Variants in MAP3K13 observed in about 807,000 individuals in gnomAD.
MAP3K13 encodes the protein mitogen-activated protein kinase kinase kinase 13.
A neutral mutation model predicts 104.0 loss-of-function variants in MAP3K13; 52 were observed. The observed-to-expected ratio is 0.50, with a 90% confidence interval of 0.40 to 0.63. The LOEUF (loss-of-function observed/expected upper bound fraction) is 0.63. Ranked by LOEUF, MAP3K13 falls within the 20% of genes least tolerant of loss-of-function variation. MAP3K13 has a pLI of 0.00. For missense variants in MAP3K13, 914 were observed against 1,218.5 expected, an observed-to-expected ratio of 0.75 and a Z score of 3.72; for synonymous variants, 394 against 442.2, an observed-to-expected ratio of 0.89 and a Z score of 1.37.
At chr3:185,360,300 C>T (rs764294183), upstream of MAP3K13, among the ~76,000 whole-genome samples, 1 of 152,186 alleles carries the variant, frequency 6.6e-6, no homozygotes, top group Non-Finnish European at 1.5e-5. Context: ...AATCACTTTA[C>T]ATTAAAAATT....
intron 2 of MAP3K13, chr3:185,293,033 G>A: frequency 1.0e-6 from 1 of 985,236 alleles, no homozygotes; most frequent in Non-Finnish European, 1.2e-6. Context: ...GTGTGAACGT[G>A]TGTGTACTTG....
intron 1 of MAP3K13, among the ~76,000 whole-genome samples, chr3:185,391,177 T>G (rs981525317): frequency 6.6e-6 from 1 of 152,186 alleles, no homozygotes; most frequent in Non-Finnish European, 1.5e-5. Flanking sequence ...CACAGAACTC[T>G]TTTCATTTTG....
intron 1 of MAP3K13, among the ~76,000 whole-genome samples, chr3:185,363,855 A>T (rs752219387): frequency 6.6e-6 from 1 of 152,160 alleles, no homozygotes; most frequent in Non-Finnish European, 1.5e-5. Context: ...GTATCTTGCG[A>T]TTGCAATTTG....
In MAP3K13 at chr3:185,355,989, C is replaced by G. The variant is rs1723336247; in HGVS notation, c.-86+70346C>G. On this transcript the variant is annotated intron_variant, in intron 2 of 14. Transcript: ENST00000424227. ...AAGTGAACATTTAAGTAACCTTGCC[C>G]AGGGCTTCAGAATTAATGTATCTTA... 2.0e-5 allele frequency among the ~76,000 whole-genome samples: 3 copies of G among 152,094 alleles called. No homozygotes were observed. In the South Asian group the frequency reaches 6.2e-4, roughly 32 times the overall value.
intron 7 of MAP3K13, among the ~76,000 whole-genome samples, chr3:185,458,106 T>G: frequency 6.6e-6 from 1 of 152,186 alleles, no homozygotes; most frequent in East Asian, 1.9e-4. Context: ...CAGTGGCTCA[T>G]GCCTGTAATC....
chr3:185,356,863 CATGTATGTATGTATGTATGT>C (rs72268579), intron 2 of MAP3K13, among the ~76,000 whole-genome samples: 4 of 149,506 alleles, frequency 2.7e-5, no homozygotes, highest in African/African-American at 9.9e-5. Context: ...AGGCAGACTT[CATGTATGTATGTATGTATGT>C]ATGTATGTAT....
At chr3:185,349,310 C>A (rs528947028) in intron 2 of MAP3K13, among the ~76,000 whole-genome samples, 13 of 152,204 alleles carry the variant, frequency 8.5e-5, no homozygotes, top group Non-Finnish European at 1.6e-4. Flanking sequence ...TTATTTCCAT[C>A]TTTACGTACA....
intron 8 of MAP3K13, among the ~76,000 whole-genome samples, chr3:185,464,291 A>G (rs1717283072): frequency 6.6e-6 from 1 of 152,164 alleles, no homozygotes; most frequent in African/African-American, 2.4e-5. Context: ...CTGTCTCAAA[A>G]AAAGAGAGAG....
Position 185,453,941 on chromosome 3 carries a change from A to ATG in MAP3K13, c.1278+2547_1278+2548dup, listed in dbSNP as rs202229444. ...TGTGATACATATATATGAGATATAT[A>ATG]TGATACATATATATGAGATATATAT... On this transcript the variant is annotated intron_variant, in intron 7 of 13. Transcript: ENST00000265026. Among the ~76,000 whole-genome samples, 63 of 11,186 alleles carry ATG rather than the reference A, an allele frequency of 5.6e-3. 5 individuals are homozygous for ATG. The highest frequency in any genetic ancestry group is 8.1e-3 in the African/African-American group (52 of 6,418). The allele number at this position is 11,186 out of a possible 152,430, so 7.3% of individuals were successfully genotyped here.
At chr3:185,333,574 G>A (rs942209991) in intron 2 of MAP3K13, among the ~76,000 whole-genome samples, 9 of 152,042 alleles carry the variant, frequency 5.9e-5, no homozygotes, top group African/African-American at 2.2e-4. Context: ...AGAAACAACA[G>A]CTAAAATAGG....
rs765413782 is a variant in MAP3K13 at position 185,482,083 on chromosome 3, C to T, written c.2800-272C>T. ...TGGGCGACAGAGTGAGACTCCATCT[C>T]TAAATAAATAAATAAGTAAAGTACT... On this transcript the variant is annotated intron_variant, in intron 13 of 13. Transcript: ENST00000265026. The surrounding 1 kb of genome is among the most constrained non-coding windows in gnomAD (Gnocchi z 4.5). 3.9e-5 allele frequency among the ~76,000 whole-genome samples: 6 copies of T among 152,190 alleles called. No individual in the cohort carries two copies. The highest frequency in any genetic ancestry group is 5.9e-5 in the Non-Finnish European group (4 of 68,044).
chr3:185,283,989 C>G (rs1302836009), intron 1 of MAP3K13, among the ~76,000 whole-genome samples: 1 of 147,778 alleles, frequency 6.8e-6, no homozygotes, highest in Non-Finnish European at 1.5e-5. Flanking sequence ...ACCTCCGACC[C>G]CCTGGTTCAA....
chr3:185,367,958 T>C (rs1274590968), intron 1 of MAP3K13, among the ~76,000 whole-genome samples: 1 of 152,080 alleles, frequency 6.6e-6, no homozygotes, highest in Non-Finnish European at 1.5e-5. Context: ...ATAATCTTCA[T>C]CCATCCTGGG....
chr3:185,410,124 G>A lies in MAP3K13; in HGVS notation c.-85-18373G>A, dbSNP rs1310812093. 2.6e-5 allele frequency among the ~76,000 whole-genome samples: 4 copies of A among 152,268 alleles called. No homozygotes were observed. The East Asian group carries it at 5.8e-4, about 22-fold the overall frequency. ...AGAGCTCAGGCAGTAATACTCGCTC[G>A]CCTGCTGCTCACCTCCTGCTGTGCA... On this transcript the variant is annotated intron_variant, in intron 1 of 13. Coordinates refer to ENST00000265026, the MANE Select transcript of MAP3K13 (RefSeq NM_004721.5).
At chr3:185,455,749 GAT>G (rs1203776075) in intron 7 of MAP3K13, among the ~76,000 whole-genome samples, 322 of 19,478 alleles carry the variant, frequency 0.017, 110 homozygotes, top group South Asian at 0.052. Flanking sequence ...ATATATATAT[GAT>G]ATATATATGA....
At chr3:185,441,277 C>A (rs990326673) in intron 3 of MAP3K13, among the ~76,000 whole-genome samples, 1 of 152,168 alleles carries the variant, frequency 6.6e-6, no homozygotes, top group Non-Finnish European at 1.5e-5. Flanking sequence ...GAGGTTCTTT[C>A]ATGTTAGTCT....
At chr3:185,340,436 C>T (rs1346098462) in intron 2 of MAP3K13, among the ~76,000 whole-genome samples, 2 of 152,100 alleles carry the variant, frequency 1.3e-5, no homozygotes, top group East Asian at 3.9e-4. Flanking sequence ...GAAATGAGGA[C>T]AGAGAAGTTG....
At chr3:185,330,407 G>T (rs146358322) in intron 2 of MAP3K13, among the ~76,000 whole-genome samples, 99 of 152,064 alleles carry the variant, frequency 6.5e-4, no homozygotes, top group African/African-American at 2.2e-3. Flanking sequence ...TCCAGGACGC[G>T]TTGTCCTAAG....
At chr3:185,362,970 CACACACACACACTCA>C, upstream of MAP3K13, 1 of 321,606 alleles carries the variant, frequency 3.1e-6, no homozygotes, top group Non-Finnish European at 4.5e-6. Flanking sequence ...CACACACACA[CACACACACACACTCA>C]AGCTGCCAGT....
Sources: gnomAD v4.1 joint callset for allele counts (sites outside exome capture counted in the v4.1 genomes callset) on GRCh38, gnomAD v4.1.1 for gene constraint, Gnocchi (gnomAD v3.1) non-coding constraint, MANE v1.5 for transcripts, NCBI Gene and HGNC (gene_info 2026-07-23, HGNC 2026-07-21) for gene names.